The following GPHN variants were observed in gnomAD, a reference collection of about 807,000 sequenced individuals.
GPHN encodes the protein gephyrin.
In GPHN, 17 loss-of-function variants were observed where a neutral mutation model predicts 95.5. That is an observed-to-expected ratio of 0.18 (90% CI 0.12 to 0.27). The LOEUF is 0.27. Among genes scored for constraint, GPHN ranks in the 10% least tolerant of loss-of-function variants. The pLI is 1.00. For synonymous variants in GPHN, 320 were observed against 322.5 expected, an observed-to-expected ratio of 0.99 and a Z score of 0.08; for missense variants, 660 against 978.1, an observed-to-expected ratio of 0.67 and a Z score of 4.34.
chr14:67,214,716 G>A, the GPHN span, among the ~76,000 whole-genome samples: 5 of 152,070 alleles, frequency 3.3e-5, no homozygotes, highest in Non-Finnish European at 7.4e-5. Context: ...GTCATTGGTA[G>A]CTTGATGGGG....
At chr14:66,865,326 C>T (rs904240050) in intron 4 of GPHN, among the ~76,000 whole-genome samples, 6 of 152,090 alleles carry the variant, frequency 3.9e-5, no homozygotes, top group Non-Finnish European at 8.8e-5. Context: ...TTATGCATTG[C>T]ATGCCTTTAT....
chr14:67,047,372 T>TG (rs1414573142), intron 10 of GPHN, among the ~76,000 whole-genome samples: 1 of 102,180 alleles, frequency 9.8e-6, no homozygotes, highest in African/African-American at 3.4e-5. Context: ...GTTTGTTTTT[T>TG]TTTTTTTTTT....
At chr14:67,064,289 G>C (rs2075951857) in intron 11 of GPHN, among the ~76,000 whole-genome samples, 1 of 152,180 alleles carries the variant, frequency 6.6e-6, no homozygotes, top group Non-Finnish European at 1.5e-5. Flanking sequence ...AAGCCGACTT[G>C]ATCGTGGTGG....
intron 3 of GPHN, among the ~76,000 whole-genome samples, chr14:66,777,378 G>A (rs888127958): frequency 6.6e-6 from 1 of 152,146 alleles, no homozygotes; most frequent in African/African-American, 2.4e-5. Context: ...ATTCACAGCT[G>A]AATTCTACCT....
the GPHN span, among the ~76,000 whole-genome samples, chr14:67,661,278 CAAAAAAA>C: frequency 6.0e-4 from 34 of 56,564 alleles, no homozygotes; most frequent in Admixed American, 8.5e-3. Context: ...AGGGCTAGAG[CAAAAAAA>C]AAAAAAAAAA....
chr14:67,578,188 T>C, the GPHN span: 2 of 1,613,424 alleles, frequency 1.2e-6, no homozygotes, highest in African/African-American at 1.3e-5. This position sits in a 1 kb window ranked among gnomAD's most constrained non-coding sequence, Gnocchi z 5.0. Context: ...TCAGAAGTAC[T>C]CCCTCATGCA....
intron 11 of GPHN, among the ~76,000 whole-genome samples, chr14:67,070,158 A>G (rs2076224916): frequency 6.6e-6 from 1 of 152,058 alleles, no homozygotes; most frequent in African/African-American, 2.4e-5. Context: ...CTGCTAAAAT[A>G]TGCACATCTC....
chr14:67,350,045 T>A, the GPHN span, among the ~76,000 whole-genome samples: 5 of 152,252 alleles, frequency 3.3e-5, no homozygotes, highest in Non-Finnish European at 7.3e-5. Flanking sequence ...CTTACCTATC[T>A]CATAGTGTTA....
At chr14:67,475,424 T>C in the GPHN span, among the ~76,000 whole-genome samples, 1 of 152,194 alleles carries the variant, frequency 6.6e-6, no homozygotes, top group African/African-American at 2.4e-5. Context: ...AAATACTGGA[T>C]CATATGGTAA....
the GPHN span, among the ~76,000 whole-genome samples, chr14:67,552,831 A>G: frequency 6.6e-6 from 1 of 151,980 alleles, no homozygotes; most frequent in Non-Finnish European, 1.5e-5. Context: ...ACCACCTGGC[A>G]GTGACAGAGG....
chr14:66,572,434 T>C (rs541679777), intron 1 of GPHN, among the ~76,000 whole-genome samples: 43 of 152,134 alleles, frequency 2.8e-4, no homozygotes, highest in Non-Finnish European at 5.1e-4. Flanking sequence ...GCGTGTTTCG[T>C]ACTTTTCAGT....
intron 10 of GPHN, among the ~76,000 whole-genome samples, chr14:67,032,347 A>G (rs1235431863): frequency 1.3e-5 from 2 of 152,212 alleles, no homozygotes; most frequent in Admixed American, 6.5e-5. Flanking sequence ...CACAGGGCCT[A>G]CAGTGCCACA....
intron 5 of GPHN, among the ~76,000 whole-genome samples, chr14:66,900,685 T>G (rs1175271057): frequency 1.3e-5 from 2 of 152,036 alleles, no homozygotes; most frequent in Non-Finnish European, 2.9e-5. Flanking sequence ...CATAATGACT[T>G]TTAGTTCCAT....
intron 20 of GPHN, among the ~76,000 whole-genome samples, chr14:67,165,901 A>G (rs2082248955): frequency 6.6e-6 from 1 of 152,236 alleles, no homozygotes; most frequent in Non-Finnish European, 1.5e-5. Context: ...ATTTGGGGTT[A>G]TATAAAGTCA....
chr14:66,666,020 A>C (rs1018452083), intron 1 of GPHN, among the ~76,000 whole-genome samples: 1 of 145,402 alleles, frequency 6.9e-6, no homozygotes, highest in Non-Finnish European at 1.5e-5. Context: ...CAAACACCGC[A>C]TGTTCTCACT....
At chr14:66,522,941 A>AT (rs1436000682) in intron 1 of GPHN, among the ~76,000 whole-genome samples, 1 of 151,970 alleles carries the variant, frequency 6.6e-6, no homozygotes, top group African/African-American at 2.4e-5. Flanking sequence ...TCTATTTTGG[A>AT]TTTTTTCAGT....
intron 1 of GPHN, among the ~76,000 whole-genome samples, chr14:66,597,579 C>T (rs118132435): frequency 0.012 from 1,848 of 152,218 alleles, 23 homozygotes; most frequent in Non-Finnish European, 0.018. Flanking sequence ...CAGACTCTTG[C>T]GAGACTGCAG....
chr14:67,320,162 A>G, the GPHN span: 15 of 1,420,496 alleles, frequency 1.1e-5, no homozygotes, highest in South Asian at 1.0e-4. Context: ...GTGAAGATCT[A>G]TGAGTATTTA....
chr14:67,498,977 G>A, the GPHN span, among the ~76,000 whole-genome samples: 9 of 46,580 alleles, frequency 1.9e-4, no homozygotes, highest in African/African-American at 4.7e-4. Context: ...ACAAGGCAAT[G>A]GTTTTATTTA....
Sources: allele counts gnomAD v4.1 joint callset (sites outside exome capture counted in the v4.1 genomes callset), GRCh38; gene constraint gnomAD v4.1.1; non-coding constraint Gnocchi (gnomAD v3.1); transcripts MANE v1.5; gene names NCBI Gene and HGNC (gene_info 2026-07-23, HGNC 2026-07-21).